The following FPGT variants were observed in gnomAD, a reference collection of about 807,000 sequenced individuals.
FPGT encodes GDP-L-fucose diphosphorylase.
A neutral mutation model predicts 45.8 loss-of-function variants in FPGT; 41 were observed. That is an observed-to-expected ratio of 0.90 (90% CI 0.70 to 1.16). The LOEUF is 1.16. Among genes scored for constraint, FPGT ranks in the 50% most tolerant of loss-of-function variants. FPGT has a pLI of 0.00. For synonymous variants in FPGT, 292 were observed against 247.2 expected (o/e 1.18, Z -1.70); for missense variants, 755 against 689.1 (o/e 1.10, Z -1.07).
rs1222809726 is a variant in FPGT at position 74,206,820 on chromosome 1, T to A, written c.*988T>A. On this transcript the variant is annotated 3_prime_UTR_variant, in exon 4 of 4. Coordinates refer to ENST00000370898, the MANE Select transcript of FPGT (RefSeq NM_003838.5). ...AATAAAAATTGGCTAGAATCTCAAG[T>A]TATGTGTTTCTATATTGGTATAAGC... The A allele has an allele frequency of 6.6e-6, 1 of 152,046 alleles. No homozygotes were observed. The highest frequency in any genetic ancestry group is 1.5e-5 in the Non-Finnish European group (1 of 67,952). The allele number at this position is 152,046 out of a possible 1,614,324, so 9.4% of individuals were successfully genotyped here. A position where few individuals can be genotyped will look rare whatever the true frequency, so the allele number is the denominator to read the frequency against.
intron 3 of FPGT, among the ~76,000 whole-genome samples, chr1:74,203,391 A>AT (rs750174855): frequency 0.014 from 1,566 of 115,790 alleles, 29 homozygotes; most frequent in African/African-American, 0.038. Context: ...TGTGAAGTAG[A>AT]TTTTTTTTTT....
At chr1:74,198,890 T>A (rs1386444924) in intron 1 of FPGT, among the ~76,000 whole-genome samples, 1 of 152,164 alleles carries the variant, frequency 6.6e-6, no homozygotes, top group Non-Finnish European at 1.5e-5. Context: ...CTAATAAAAG[T>A]GATTATATTT....
Position 74,205,526 on chromosome 1 carries a change from T to C in FPGT, c.1479T>C (p.Phe493=). 6.2e-7 allele frequency: 1 copy of C among 1,613,104 alleles called. No individual in the cohort carries two copies. The highest frequency in any genetic ancestry group is 1.1e-5 in the South Asian group (1 of 91,044). Residue 493 remains phenylalanine, a synonymous_variant, in exon 4 of 4, where the codon TTT becomes TTC. Coordinates refer to ENST00000370898, the MANE Select transcript of FPGT (RefSeq NM_003838.5). ...TLSDIKLLQF[F]GVCFLSCLDV... is the part of the protein sequence containing the mutation. ...CAGATATAAAGTTACTTCAATTCTT[T>C]GGAGTCTGTTTCCTGTCATGCTTAG...
At chr1:74,202,993 C>T (rs1180558648) in intron 3 of FPGT, among the ~76,000 whole-genome samples, 1 of 152,072 alleles carries the variant, frequency 6.6e-6, no homozygotes, top group Non-Finnish European at 1.5e-5. Context: ...GAAGGACCTG[C>T]CTGAGGCCAT....
Position 74,204,500 on chromosome 1 carries a change from C to T in FPGT, c.453C>T (p.Tyr151=). The T allele has an allele frequency of 6.2e-7, 1 of 1,609,834 alleles. No individual in the cohort carries two copies. The change falls in exon 4 of 4, where the codon TAC becomes TAT. Residue 151 remains tyrosine (Y), a synonymous_variant. Transcript: ENST00000370898. ...YQMLELKLAM[Y]IDFPLNMNPG... is the part of the protein sequence containing the mutation. Reference sequence around the variant, plus strand: ...TGCTAGAATTAAAACTAGCCATGTACATTGATTTCCCCTTAAATATGAATC... The same window carrying T: ...TGCTAGAATTAAAACTAGCCATGTATATTGATTTCCCCTTAAATATGAATC...
chr1:74,203,212 G>C (rs487917), intron 3 of FPGT, among the ~76,000 whole-genome samples: 1 of 151,854 alleles, frequency 6.6e-6, no homozygotes, highest in African/African-American at 2.4e-5. Flanking sequence ...GTGGTGCATC[G>C]TGCTAGGACT....
In FPGT at chr1:74,208,636, T is replaced by C. The variant is rs1482632354; in HGVS notation, c.*2804T>C. ...TCTTTTACCTTAGGCATTTATTCTCTAAGCAAAGCAGAAATAAAGGATATG... is the reference window on the plus strand; with the variant it reads ...TCTTTTACCTTAGGCATTTATTCTCCAAGCAAAGCAGAAATAAAGGATATG... On this transcript the variant is annotated 3_prime_UTR_variant, in exon 4 of 4. Transcript: ENST00000370898. Among the ~76,000 whole-genome samples the C allele has an allele frequency of 6.6e-6, 1 of 152,070 alleles. No individual in the cohort carries two copies. Among genetic ancestry groups the C allele is most frequent in the African/African-American group, 2.4e-5 (1 of 41,414 alleles).
In FPGT at chr1:74,205,543, C is replaced by T. The variant is rs1482898286; in HGVS notation, c.1496C>T (p.Ser499Leu). 3.1e-6 allele frequency: 5 copies of T among 1,612,970 alleles called. No individual in the cohort carries two copies. Among genetic ancestry groups the T allele is most frequent in the East Asian group, 2.2e-5 (1 of 44,880 alleles). Residue 499 changes from serine (S) to leucine (L), a missense_variant, in exon 4 of 4, where the codon TCA becomes TTA. Ser to Leu is a moderately radical substitution (Grantham distance 145). Coordinates refer to ENST00000370898, the MANE Select transcript of FPGT (RefSeq NM_003838.5). ...LLQFFGVCFL[S>L]CLDVWNLKVT... ...CAATTCTTTGGAGTCTGTTTCCTGT[C>T]ATGCTTAGATGTTTGGAATCTTAAA...
rs777721429 is a variant in FPGT, at chr1:74,198,254, G to T, written c.-25G>T. 9.9e-6 allele frequency: 16 copies of T among 1,611,786 alleles called. No homozygotes were observed. Among genetic ancestry groups the T allele is most frequent in the Non-Finnish European group, 1.3e-5 (15 of 1,178,920 alleles). On this transcript the variant is annotated 5_prime_UTR_variant, in exon 1 of 4. Coordinates refer to ENST00000370898, the MANE Select transcript of FPGT (RefSeq NM_003838.5). ...CCCCAGGGCGCATGCGTGCTGTGCG[G>T]CGCGGTCTCAGGGAAGGTGGGGCTA...
At chr1:74,199,239 C>G (rs750467256) in intron 1 of FPGT, among the ~76,000 whole-genome samples, 40 of 152,294 alleles carry the variant, frequency 2.6e-4, no homozygotes, top group Admixed American at 6.5e-4. Context: ...TTGTGTCTTT[C>G]TTAGTCACCT....
intron 3 of FPGT, among the ~76,000 whole-genome samples, chr1:74,203,775 C>T (rs1570316426): frequency 6.6e-6 from 1 of 151,962 alleles, no homozygotes; most frequent in African/African-American, 2.4e-5. Context: ...GGTGTGGTGG[C>T]TCACGCCTGT....
Position 74,205,594 on chromosome 1 carries a change from A to C in FPGT, c.1547A>C (p.Asn516Thr). 1 of 1,613,622 alleles carries C rather than the reference A, an allele frequency of 6.2e-7. No homozygotes were observed. The highest frequency in any genetic ancestry group is 8.5e-7 in the Non-Finnish European group (1 of 1,179,540). ...GTTACAGAGGAACTGTTCTCTGGTA[A>C]CAAGACATGTCTGAGTTTGTGGACT... ...LKVTEELFSG[N>T]KTCLSLWTAR... The change falls in exon 4 of 4, where the codon AAC becomes ACC. Residue 516 changes from asparagine (N) to threonine (T), a missense_variant. Transcript: ENST00000370898.
Position 74,201,319 on chromosome 1 carries a change from A to C in FPGT, c.252A>C (p.Gly84=), listed in dbSNP as rs200630389. The part of the protein sequence containing the change: ...VFVDPAGAKI[G]NGGSTLCALQ... ...TGCTTTTTTAACTTTGTTTTTAAGG[A>C]AATGGAGGATCAACACTTTGTGCCC... Residue 84 remains glycine (G), a splice_region_variant and synonymous_variant, in exon 3 of 4, where the codon GGA becomes GGC. Coordinates refer to ENST00000370898, the MANE Select transcript of FPGT (RefSeq NM_003838.5). The C allele has an allele frequency of 1.6e-5, 25 of 1,607,892 alleles. No homozygotes were observed. Among genetic ancestry groups the C allele is most frequent in the Non-Finnish European group, 2.1e-5 (25 of 1,178,204 alleles).
chr1:74,203,047 T>A (rs1040969728), intron 3 of FPGT, among the ~76,000 whole-genome samples: 3 of 152,232 alleles, frequency 2.0e-5, no homozygotes, highest in Non-Finnish European at 4.4e-5. Context: ...GAATTTATTC[T>A]AAAATAACAA....
chr1:74,205,774 T>A lies in FPGT; in HGVS notation c.1727T>A (p.Met576Lys). The change falls in exon 4 of 4, where the codon ATG becomes AAG. Residue 576 changes from methionine to lysine, a missense_variant. Coordinates refer to ENST00000370898, the MANE Select transcript of FPGT (RefSeq NM_003838.5). ...CTTATCTACAAAGATGTAGAAGATA[T>A]GATAACTTACAGGGAACAAATTTTT... ...EMLIYKDVEDMITYREQIFLE... is the reference protein window; with the variant it reads ...EMLIYKDVEDKITYREQIFLE... 1 of 1,592,038 alleles carries A rather than the reference T, an allele frequency of 6.3e-7. No individual in the cohort carries two copies. The highest frequency in any genetic ancestry group is 8.6e-7 in the Non-Finnish European group (1 of 1,161,180).
intron 1 of FPGT, among the ~76,000 whole-genome samples, chr1:74,198,692 A>G (rs557268378): frequency 1.6e-3 from 240 of 152,316 alleles, no homozygotes; most frequent in Non-Finnish European, 3.0e-3. Context: ...GAAGCACAGT[A>G]TTTTGAACTT....
At position 74,204,493 on chromosome 1, in the gene FPGT, C is replaced by A. The variant is rs767555809; in HGVS notation, c.446C>A (p.Ala149Asp). The change falls in exon 4 of 4, where the codon GCC becomes GAC. Residue 149 changes from alanine to aspartate, a missense_variant. Coordinates refer to ENST00000370898, the MANE Select transcript of FPGT (RefSeq NM_003838.5). ...PIYQMLELKL[A>D]MYIDFPLNMN... ...TATCAGATGCTAGAATTAAAACTAG[C>A]CATGTACATTGATTTCCCCTTAAAT... 1 of 1,610,382 alleles carries A rather than the reference C, an allele frequency of 6.2e-7. No individual in the cohort carries two copies. The highest frequency in any genetic ancestry group is 8.5e-7 in the Non-Finnish European group (1 of 1,176,652).
intron 3 of FPGT, among the ~76,000 whole-genome samples, chr1:74,203,144 C>T (rs1003579226): frequency 6.6e-6 from 1 of 152,062 alleles, no homozygotes; most frequent in East Asian, 1.9e-4. Flanking sequence ...ATTGTATGTT[C>T]TGTAGTTTAG....
At chr1:74,198,471 T>C in intron 1 of FPGT, 111 bp downstream of exon 1, 3 of 1,454,674 alleles carry the variant, frequency 2.1e-6, no homozygotes, top group Non-Finnish European at 2.8e-6. Context: ...TCTGTAGGCC[T>C]ATGACGCTCC....
Sources: gnomAD v4.1 joint callset for allele counts (sites outside exome capture counted in the v4.1 genomes callset) on GRCh38, gnomAD v4.1.1 for gene constraint, MANE v1.5 for transcripts, NCBI Gene and HGNC (gene_info 2026-07-23, HGNC 2026-07-21) for gene names.